Variants in LTBP1 observed in about 807,000 individuals in gnomAD.
The protein encoded by LTBP1 is latent transforming growth factor beta binding protein 1.
A neutral mutation model predicts 207.6 loss-of-function variants in LTBP1; 129 were observed. The observed-to-expected ratio is 0.62, with a 90% CI of 0.54 to 0.72. The LOEUF (loss-of-function observed/expected upper bound fraction) is 0.72. Among genes scored for constraint, LTBP1 ranks in the 30% least tolerant of loss-of-function variants. The pLI is 0.00. For synonymous variants in LTBP1, 963 were observed against 833.7 expected (o/e 1.16, Z -2.67); for missense variants, 2,281 against 2,217.2 (o/e 1.03, Z -0.58).
At chr2:33,340,174 C>T (rs544564526) in intron 24 of LTBP1, among the ~76,000 whole-genome samples, 39 of 149,664 alleles carry the variant, frequency 2.6e-4, no homozygotes, top group East Asian at 8.0e-4. Context: ...AGGAGAATGA[C>T]GTGAACCCAA....
chr2:33,098,287 G>T (rs1410766278), intron 3 of LTBP1, among the ~76,000 whole-genome samples: 1 of 152,022 alleles, frequency 6.6e-6, no homozygotes, highest in African/African-American at 2.4e-5. Context: ...TTCCTATTGG[G>T]CTTTGTTTTA....
intron 10 of LTBP1, among the ~76,000 whole-genome samples, chr2:33,252,275 A>G (rs1258508009): frequency 1.3e-5 from 2 of 152,212 alleles, no homozygotes; most frequent in African/African-American, 4.8e-5. Flanking sequence ...AAAGTGCCTG[A>G]TTATTCACTA....
At chr2:33,125,245 C>A (rs2081360180) in intron 4 of LTBP1, among the ~76,000 whole-genome samples, 1 of 152,200 alleles carries the variant, frequency 6.6e-6, no homozygotes, top group Non-Finnish European at 1.5e-5. Flanking sequence ...CTTCACTGTT[C>A]CCTAGCAGAA....
chr2:33,254,962 A>G (rs1045598647), intron 11 of LTBP1, among the ~76,000 whole-genome samples: 38 of 136,614 alleles, frequency 2.8e-4, no homozygotes, highest in Non-Finnish European at 4.6e-5. Flanking sequence ...GTTTTAGGGT[A>G]CATGTGCACA....
In LTBP1 at chr2:33,039,617, G is replaced by C. The variant is rs1473004666; in HGVS notation, c.863+18411G>C. 2.0e-5 allele frequency among the ~76,000 whole-genome samples: 3 copies of C among 152,180 alleles called. No homozygotes were observed. The East Asian group carries it at 5.8e-4, about 29-fold the overall frequency. The stretch of plus-strand genomic sequence containing the variant: ...AATCAACTATATTTTTGGCTGACCA[G>C]TTCTAATCCCAGACTTGTCTAAATC... On this transcript the variant is annotated intron_variant, in intron 3 of 33. Transcript: ENST00000404816.
intron 5 of LTBP1, among the ~76,000 whole-genome samples, chr2:33,180,697 C>T (rs1250731974): frequency 6.6e-6 from 1 of 152,118 alleles, no homozygotes; most frequent in African/African-American, 2.4e-5. Context: ...CTTAAGTGAT[C>T]TGCCTGCCTG....
chr2:33,239,226 T>C (rs949139929), intron 9 of LTBP1, among the ~76,000 whole-genome samples: 1 of 152,236 alleles, frequency 6.6e-6, no homozygotes, highest in Non-Finnish European at 1.5e-5. Context: ...AGTAGCTTCA[T>C]GGATTTTGCC....
chr2:33,170,725 C>A (rs1173305556), intron 5 of LTBP1, among the ~76,000 whole-genome samples: 1 of 148,400 alleles, frequency 6.7e-6, no homozygotes, highest in Non-Finnish European at 1.5e-5. Context: ...GTCCCTGACC[C>A]CTGACCCCCG....
chr2:33,217,433 T>C, intron 7 of LTBP1, 119 bp from the exon 8 acceptor site: 1 of 585,868 alleles, frequency 1.7e-6, no homozygotes, highest in Non-Finnish European at 3.1e-6. Context: ...TTTTTTCCTT[T>C]CTAATTGTGT....
intron 3 of LTBP1, among the ~76,000 whole-genome samples, chr2:33,021,629 A>G (rs776500985): frequency 7.2e-5 from 11 of 152,246 alleles, no homozygotes; most frequent in Non-Finnish European, 1.5e-4. Context: ...CTCAGCTTGC[A>G]CAGAGAAACT....
chr2:33,184,418 T>G (rs1056255923), intron 5 of LTBP1, among the ~76,000 whole-genome samples: 1 of 152,200 alleles, frequency 6.6e-6, no homozygotes, highest in South Asian at 2.1e-4. Flanking sequence ...ATAGGTTTAC[T>G]CATTATCTCC....
chr2:33,070,341 G>A (rs983221470), intron 3 of LTBP1, among the ~76,000 whole-genome samples: 7 of 152,226 alleles, frequency 4.6e-5, no homozygotes, highest in Non-Finnish European at 8.8e-5. Flanking sequence ...CCTAAGTGAA[G>A]GGTAAAATAA....
At chr2:33,379,324 C>T (rs1328176086) in intron 31 of LTBP1, among the ~76,000 whole-genome samples, 2 of 151,726 alleles carry the variant, frequency 1.3e-5, no homozygotes, top group African/African-American at 2.4e-5. Flanking sequence ...ATTCTCCTGC[C>T]TCAGCCTCCT....
intron 7 of LTBP1, among the ~76,000 whole-genome samples, 191 bp from the exon 8 acceptor site, chr2:33,217,361 A>G (rs898149994): frequency 1.3e-5 from 2 of 152,180 alleles, no homozygotes; most frequent in East Asian, 1.9e-4. Context: ...TTGGAAATGT[A>G]CTTGTTCATT....
At chr2:33,174,259 A>C (rs1331337521) in intron 5 of LTBP1, among the ~76,000 whole-genome samples, 1 of 147,438 alleles carries the variant, frequency 6.8e-6, no homozygotes, top group Non-Finnish European at 1.5e-5. Context: ...AGAAAACCCC[A>C]TCATCTCAGC....
intron 18 of LTBP1, 78 bp from the exon 19 acceptor site, chr2:33,279,961 C>A: frequency 1.3e-6 from 2 of 1,508,786 alleles, no homozygotes; most frequent in Non-Finnish European, 1.8e-6. Context: ...TGCTTTCCCC[C>A]GCTGCCTTCA....
intron 7 of LTBP1, among the ~76,000 whole-genome samples, chr2:33,193,906 G>A (rs2088226558): frequency 6.6e-6 from 1 of 152,104 alleles, no homozygotes; most frequent in African/African-American, 2.4e-5. Flanking sequence ...ATTGAAATTA[G>A]GCTAATTGAT....
intron 3 of LTBP1, among the ~76,000 whole-genome samples, chr2:33,051,927 A>T (rs964353656): frequency 1.3e-5 from 2 of 152,212 alleles, no homozygotes; most frequent in African/African-American, 4.8e-5. Flanking sequence ...CAGTCTCTTT[A>T]AAAGTTTTAT....
At chr2:33,097,809 G>A (rs899680340) in intron 3 of LTBP1, among the ~76,000 whole-genome samples, 1 of 152,046 alleles carries the variant, frequency 6.6e-6, no homozygotes, top group Non-Finnish European at 1.5e-5. Flanking sequence ...CATTTTTAGT[G>A]GTTATATAGC....
Sources: allele counts gnomAD v4.1 joint callset (sites outside exome capture counted in the v4.1 genomes callset), GRCh38; gene constraint gnomAD v4.1.1; transcripts MANE v1.5; gene names NCBI Gene and HGNC (gene_info 2026-07-23, HGNC 2026-07-21).